Variants in MEGF11 observed in about 807,000 individuals in gnomAD.
MEGF11 encodes multiple epidermal growth factor-like domains protein 11.
In MEGF11, 126 loss-of-function variants were observed where a neutral mutation model predicts 146.6. That is an observed-to-expected ratio of 0.86 (90% CI 0.74 to 1.00). The LOEUF is 1.00. MEGF11 is among the 50% of genes least tolerant of loss of function. The pLI is 0.00. For synonymous variants in MEGF11, 532 were observed against 583.4 expected, an observed-to-expected ratio of 0.91 and a Z score of 1.27; for missense variants, 1,509 against 1,521.2, an observed-to-expected ratio of 0.99 and a Z score of 0.13.
At chr15:66,139,281 T>C (rs2089034402) in intron 1 of MEGF11, among the ~76,000 whole-genome samples, 3 of 152,102 alleles carry the variant, frequency 2.0e-5, no homozygotes, top group African/African-American at 7.2e-5. Flanking sequence ...AACAGTACTG[T>C]GGCCGATCAA....
At chr15:66,161,176 G>A (rs1032473308) in intron 1 of MEGF11, among the ~76,000 whole-genome samples, 1 of 152,198 alleles carries the variant, frequency 6.6e-6, no homozygotes, top group Non-Finnish European at 1.5e-5. Context: ...GATCAGATGA[G>A]GATCTCAGAA....
intron 1 of MEGF11, among the ~76,000 whole-genome samples, chr15:66,158,894 T>C (rs2089856011): frequency 6.6e-6 from 1 of 152,214 alleles, no homozygotes; most frequent in Admixed American, 6.5e-5. Flanking sequence ...AAGTCCTCCA[T>C]GCAGTAGCTT....
At chr15:66,103,083 T>A (rs185485951) in intron 4 of MEGF11, among the ~76,000 whole-genome samples, 45 of 152,280 alleles carry the variant, frequency 3.0e-4, no homozygotes, top group African/African-American at 1.0e-3. Flanking sequence ...CCAAGTTCCA[T>A]CCCAGCAGCA....
intron 9 of MEGF11, among the ~76,000 whole-genome samples, chr15:65,959,164 C>G (rs961480404): frequency 6.6e-6 from 1 of 152,232 alleles, no homozygotes; most frequent in Non-Finnish European, 1.5e-5. Context: ...GTCTTCTCCA[C>G]TAGGTTGCAG....
At chr15:66,062,619 C>T (rs1394139741) in intron 5 of MEGF11, among the ~76,000 whole-genome samples, 2 of 152,188 alleles carry the variant, frequency 1.3e-5, no homozygotes, top group South Asian at 2.1e-4. Flanking sequence ...AGACACTGAG[C>T]AGAGGAGCCA....
intron 5 of MEGF11, among the ~76,000 whole-genome samples, chr15:66,082,483 A>G (rs2085918717): frequency 8.1e-6 from 1 of 122,942 alleles, no homozygotes; most frequent in Admixed American, 8.8e-5. Context: ...CTATCTATCT[A>G]TCTATCTATC....
intron 5 of MEGF11, among the ~76,000 whole-genome samples, chr15:66,016,479 GTTT>G (rs58588643): frequency 0.025 from 3,233 of 127,692 alleles, 41 homozygotes; most frequent in African/African-American, 0.052. Flanking sequence ...CATCCATTCA[GTTT>G]TTTTTTTTTT....
chr15:66,209,420 C>A (rs2091388275), intron 1 of MEGF11, among the ~76,000 whole-genome samples: 1 of 152,028 alleles, frequency 6.6e-6, no homozygotes. Flanking sequence ...GCATTCATCC[C>A]AGAGAAATGA....
chr15:65,954,566 G>T (rs2080513767), intron 10 of MEGF11, among the ~76,000 whole-genome samples: 1 of 152,234 alleles, frequency 6.6e-6, no homozygotes, highest in African/African-American at 2.4e-5. Context: ...GGAGGAGATG[G>T]ATGGGAATTC....
intron 1 of MEGF11, among the ~76,000 whole-genome samples, chr15:66,221,114 TA>T (rs1262194439): frequency 2.0e-5 from 3 of 151,970 alleles, no homozygotes; most frequent in South Asian, 2.1e-4. Context: ...ATTTCAAATT[TA>T]AAAAAAAATT....
At chr15:65,914,190 AC>A (rs2078915456) in intron 19 of MEGF11, 6 of 570,516 alleles carry the variant, frequency 1.1e-5, no homozygotes, top group Non-Finnish European at 1.9e-5. Context: ...AGCAATTGTG[AC>A]TGTCGATGTG....
chr15:65,934,928 T>C (rs140145905), intron 10 of MEGF11, among the ~76,000 whole-genome samples: 293 of 152,292 alleles, frequency 1.9e-3, no homozygotes, highest in African/African-American at 6.6e-3. Flanking sequence ...TATAATAAAC[T>C]GGTAAATGTG....
intron 1 of MEGF11, 26 bp from the exon 2 acceptor site, chr15:66,128,437 C>T (rs535652400): frequency 1.9e-5 from 26 of 1,348,104 alleles, no homozygotes; most frequent in East Asian, 2.9e-5. Flanking sequence ...AAGGAGGCTG[C>T]GTCTGTGATC....
intron 1 of MEGF11, among the ~76,000 whole-genome samples, chr15:66,207,885 C>T (rs2091342023): frequency 6.6e-6 from 1 of 152,054 alleles, no homozygotes; most frequent in Non-Finnish European, 1.5e-5. Context: ...GAGTTCAAGA[C>T]CAGCCTGGGC....
intron 3 of MEGF11, among the ~76,000 whole-genome samples, chr15:66,121,714 C>A (rs1418053327): frequency 6.6e-6 from 1 of 152,152 alleles, no homozygotes; most frequent in Non-Finnish European, 1.5e-5. Context: ...AAGGGAGCCC[C>A]AACATCTTTG....
chr15:65,915,977 C>T (rs2078983847), intron 18 of MEGF11, among the ~76,000 whole-genome samples, 171 bp downstream of exon 18: 2 of 152,186 alleles, frequency 1.3e-5, no homozygotes, highest in East Asian at 1.9e-4. Flanking sequence ...ATTCTTCAAA[C>T]AATAATGTAG....
chr15:66,190,558 G>C (rs751248184), intron 1 of MEGF11, among the ~76,000 whole-genome samples: 2 of 152,192 alleles, frequency 1.3e-5, no homozygotes, highest in Non-Finnish European at 2.9e-5. Context: ...CTGGTAGGTA[G>C]AAAGGGAAAG....
intron 24 of MEGF11, among the ~76,000 whole-genome samples, chr15:65,904,095 C>T (rs186590475): frequency 3.0e-4 from 45 of 152,256 alleles, no homozygotes; most frequent in East Asian, 2.5e-3. Context: ...TGTATGATTG[C>T]GAATCTGAAA....
chr15:66,021,214 C>T (rs2083118050), intron 5 of MEGF11, among the ~76,000 whole-genome samples: 1 of 152,016 alleles, frequency 6.6e-6, no homozygotes, highest in Admixed American at 6.6e-5. Flanking sequence ...TTGATATTGT[C>T]ATAAGTCAGT....
Sources: allele counts gnomAD v4.1 joint callset (sites outside exome capture counted in the v4.1 genomes callset), GRCh38; gene constraint gnomAD v4.1.1; transcripts MANE v1.5; gene names NCBI Gene and HGNC (gene_info 2026-07-23, HGNC 2026-07-21).